NSUN2: variants seen among roughly 807,000 people sequenced by gnomAD.
The protein encoded by NSUN2 is RNA cytosine C(5)-methyltransferase NSUN2.
A neutral mutation model predicts 92.7 loss-of-function variants in NSUN2; 63 were observed. The ratio of observed to expected loss-of-function variants is 0.68; its 90% CI spans 0.56 to 0.84. NSUN2 has a LOEUF of 0.84. NSUN2 is among the 40% of genes least tolerant of loss of function. The pLI is 0.00. For missense variants in NSUN2, 989 were observed against 964.9 expected (o/e 1.02, Z -0.33); for synonymous variants, 356 against 348.3 (o/e 1.02, Z -0.25).
intron 12 of NSUN2, among the ~76,000 whole-genome samples, chr5:6,607,868 C>T (rs1008795764): frequency 1.6e-4 from 24 of 152,310 alleles, no homozygotes; most frequent in African/African-American, 5.8e-4. Context: ...GTGCCCCAGG[C>T]ACCAAGGAAA....
At chr5:6,621,112 A>G (rs1316513543) in intron 6 of NSUN2, 3 of 152,334 alleles carry the variant, frequency 2.0e-5, no homozygotes, top group Non-Finnish European at 4.4e-5. Context: ...ACGAGATGAA[A>G]GCTGACTCTA....
chr5:6,609,844 C>T lies in NSUN2; in HGVS notation c.1305G>A (p.Trp435Ter), dbSNP rs1579360593. 1 of 1,613,428 alleles carries T rather than the reference C, an allele frequency of 6.2e-7. No homozygotes were observed. Among genetic ancestry groups the T allele is most frequent in the Non-Finnish European group, 8.5e-7 (1 of 1,179,672 alleles). ...AACTCACCTTTGGCTGACGTTTATT[C>T]CACGGCATTGAAGATTTTTTCACCA... is the stretch of plus-strand genomic sequence containing the variant. ...AVLVKKSSMP[W>*]NKRQPKLQGK... The change falls in exon 12 of 19, where the codon TGG (tryptophan) becomes TGA (stop). Residue 435 changes from tryptophan to a stop codon, truncating the protein, a stop_gained. Transcript: ENST00000264670. LOFTEE classifies it high-confidence loss of function.
chr5:6,621,128 T>C (rs1164955536), intron 6 of NSUN2: 6 of 152,172 alleles, frequency 3.9e-5, no homozygotes, highest in Non-Finnish European at 5.9e-5. Flanking sequence ...CTCTAAAACA[T>C]CACGATGGGT....
chr5:6,611,012 G>A lies in NSUN2; in HGVS notation c.1169C>T (p.Pro390Leu). 6.2e-7 allele frequency: 1 copy of A among 1,614,222 alleles called. No individual in the cohort carries two copies. The highest frequency in any genetic ancestry group is 1.3e-5 in the African/African-American group (1 of 75,056). ...TGGGTCCTTCGGAGGGAACATGGTA[G>A]GTCGGATCTGGGTGTGTCTGCTGTG... ...VPHSRHTQIR[P>L]TMFPPKDPEK... The change falls in exon 11 of 19, where the codon CCT becomes CTT. Residue 390 changes from proline (P) to leucine (L), a missense_variant. Around this residue, in one of 3 missense-constraint regions of NSUN2, gnomAD observed 626 missense variants for 602.3 expected, o/e 1.04. Transcript: ENST00000264670.
chr5:6,610,262 A>C (rs2126480715), intron 11 of NSUN2, among the ~76,000 whole-genome samples: 1 of 151,450 alleles, frequency 6.6e-6, no homozygotes, highest in South Asian at 2.1e-4. Context: ...TTTTCTGTAG[A>C]GATGGGGTCT....
At chr5:6,601,615 C>G (rs1311475098) in intron 18 of NSUN2, among the ~76,000 whole-genome samples, 2 of 150,500 alleles carry the variant, frequency 1.3e-5, no homozygotes, top group Non-Finnish European at 3.0e-5. Flanking sequence ...TCCTCCTTCC[C>G]TACTTGGCTG....
intron 3 of NSUN2, among the ~76,000 whole-genome samples, chr5:6,628,245 C>T (rs1421128493): frequency 1.3e-5 from 2 of 152,028 alleles, no homozygotes; most frequent in Non-Finnish European, 2.9e-5. Flanking sequence ...CTACCTGGGA[C>T]GCTGAGGTGG....
intron 8 of NSUN2, among the ~76,000 whole-genome samples, chr5:6,617,675 C>T (rs866415092): frequency 2.0e-5 from 3 of 152,126 alleles, no homozygotes; most frequent in African/African-American, 4.8e-5. Context: ...AAGAGGTAAA[C>T]GGTCATTTCA....
intron 3 of NSUN2, among the ~76,000 whole-genome samples, chr5:6,629,313 C>T (rs1737774480): frequency 6.6e-6 from 1 of 152,206 alleles, no homozygotes; most frequent in African/African-American, 2.4e-5. Flanking sequence ...GTTAAAAGGG[C>T]TGATCAAATC....
chr5:6,617,887 T>C (rs986710801), intron 8 of NSUN2, 63 bp downstream of exon 8: 1 of 1,308,114 alleles, frequency 7.6e-7, no homozygotes. Context: ...CTCACTTGCA[T>C]AACAATAAAT....
Position 6,611,006 on chromosome 5 carries a change from A to G in NSUN2, c.1175T>C (p.Met392Thr). 1 of 1,614,182 alleles carries G rather than the reference A, an allele frequency of 6.2e-7. No homozygotes were observed. The highest frequency in any genetic ancestry group is 8.5e-7 in the Non-Finnish European group (1 of 1,180,034). ...CTTTTCTGGGTCCTTCGGAGGGAAC[A>G]TGGTAGGTCGGATCTGGGTGTGTCT... is the stretch of plus-strand genomic sequence containing the variant. ...HSRHTQIRPT[M>T]FPPKDPEKLQ... The change falls in exon 11 of 19, where the codon ATG (methionine) becomes ACG (threonine). Residue 392 changes from methionine (M) to threonine (T), a missense_variant. Around this residue, in one of 3 missense-constraint regions of NSUN2, gnomAD observed 626 missense variants for 602.3 expected, o/e 1.04. Transcript: ENST00000264670.
At chr5:6,632,573 C>CA in intron 2 of NSUN2, 26 bp downstream of exon 2, 1 of 1,611,262 alleles carries the variant, frequency 6.2e-7, no homozygotes, top group Non-Finnish European at 8.5e-7. Flanking sequence ...CCCCAACTCC[C>CA]AAAAAATCAG....
At chr5:6,604,762 G>C in intron 15 of NSUN2, 77 bp from the exon 16 acceptor site, 1 of 1,213,492 alleles carries the variant, frequency 8.2e-7, no homozygotes, top group Non-Finnish European at 1.2e-6. Flanking sequence ...GGGCCACATG[G>C]AGCAACCGTC....
At chr5:6,621,935 A>G in intron 6 of NSUN2, 81 bp downstream of exon 6, 3 of 1,207,554 alleles carry the variant, frequency 2.5e-6, no homozygotes, top group South Asian at 1.2e-5. Flanking sequence ...CCAAATTAGC[A>G]GGCAAAGTTA....
rs149276590 is a variant in NSUN2 at position 6,623,206 on chromosome 5, T to C, written c.537+8A>G. On this transcript the variant is annotated splice_region_variant and intron_variant, in intron 5 of 18. Coordinates refer to ENST00000264670, the MANE Select transcript of NSUN2 (RefSeq NM_017755.6). Reference sequence around the variant, plus strand: ...CCCGCCCCCACGTTTCTAGTTGCTATATGCTACCTTATGATGAGGCCGCAC... The same window carrying C: ...CCCGCCCCCACGTTTCTAGTTGCTACATGCTACCTTATGATGAGGCCGCAC... 594 of 1,592,304 alleles carry C rather than the reference T, an allele frequency of 3.7e-4. 1 individual carries two copies. In the African/African-American group the frequency reaches 7.2e-3, roughly 19 times the overall value.
At chr5:6,608,824 T>C (rs971219524) in intron 12 of NSUN2, among the ~76,000 whole-genome samples, 4 of 152,230 alleles carry the variant, frequency 2.6e-5, no homozygotes, top group African/African-American at 9.6e-5. Flanking sequence ...CACAAGCTAC[T>C]GAAACCTAGT....
At chr5:6,604,385 A>G (rs1388208566) in intron 16 of NSUN2, 109 bp from the exon 17 acceptor site, 30 of 1,089,552 alleles carry the variant, frequency 2.8e-5, no homozygotes, top group Non-Finnish European at 4.0e-5. Flanking sequence ...TCGAGCCCTC[A>G]CTATGGCCCC....
intron 11 of NSUN2, 134 bp downstream of exon 11, chr5:6,610,821 T>A: frequency 9.8e-7 from 1 of 1,022,718 alleles, no homozygotes. Context: ...CACATGGGGT[T>A]GACCCTGGCA....
In NSUN2 at chr5:6,623,200, TTGC is replaced by T; in HGVS notation, c.537+11_537+13del. ...AAGCTGCCCGCCCCCACGTTTCTAGTTGCTATATGCTACCTTATGATGAGGCCG... is the reference window on the plus strand; with the variant it reads ...AAGCTGCCCGCCCCCACGTTTCTAGTTATATGCTACCTTATGATGAGGCCG... On this transcript the variant is annotated intron_variant, in intron 5 of 18. Coordinates refer to ENST00000264670, the MANE Select transcript of NSUN2 (RefSeq NM_017755.6). The T allele has an allele frequency of 6.3e-7, 1 of 1,582,346 alleles. No individual in the cohort carries two copies. The highest frequency in any genetic ancestry group is 1.2e-5 in the South Asian group (1 of 83,680).
Sources: gnomAD v4.1 joint callset for allele counts (sites outside exome capture counted in the v4.1 genomes callset) on GRCh38, gnomAD v4.1.1 for gene constraint, gnomAD v4.1.1 regional missense constraint, MANE v1.5 for transcripts, NCBI Gene and HGNC (gene_info 2026-07-23, HGNC 2026-07-21) for gene names.